Variants in LMF1 observed in about 807,000 individuals in gnomAD.
LMF1 encodes the protein transmembrane protein 112.
LMF1 carries 68 observed loss-of-function variants against 60.6 expected under a neutral mutation model. The observed-to-expected ratio is 1.12, with a 90% CI of 0.92 to 1.37. LMF1 has a LOEUF of 1.37. Among genes scored for constraint, LMF1 ranks in the 40% most tolerant of loss-of-function variants. The pLI, the probability that LMF1 is intolerant of heterozygous loss-of-function variation, is 0.00. For synonymous variants in LMF1, 418 were observed against 324.7 expected, an observed-to-expected ratio of 1.29 and a Z score of -3.09; for missense variants, 948 against 767.2, an observed-to-expected ratio of 1.24 and a Z score of -2.78.
chr16:893,106 CAG>C (rs1343704758), intron 4 of LMF1, 34 bp from the exon 5 acceptor site: 1 of 1,538,848 alleles, frequency 6.5e-7, no homozygotes, highest in Non-Finnish European at 8.8e-7. Flanking sequence ...GAGTCAGTCA[CAG>C]GGGCTGGGGA....
intron 4 of LMF1, among the ~76,000 whole-genome samples, chr16:904,280 A>C (rs604440): frequency 9.2e-4 from 65 of 70,630 alleles, no homozygotes; most frequent in Admixed American, 1.6e-3. Flanking sequence ...CCTGTCTCTG[A>C]TGTGTGGTGG....
chr16:870,958 T>C (rs1307912604), intron 7 of LMF1, 76 bp from the exon 8 acceptor site: 2 of 1,506,958 alleles, frequency 1.3e-6, no homozygotes, highest in African/African-American at 2.8e-5. Context: ...CCCCAGCTGC[T>C]GCTCCCTAAG....
chr16:941,485 A>G (rs1451637510), intron 2 of LMF1, among the ~76,000 whole-genome samples: 1 of 152,204 alleles, frequency 6.6e-6, no homozygotes, highest in Non-Finnish European at 1.5e-5. Context: ...GGCCTCCCAA[A>G]GTGCTGGCAT....
chr16:891,706 C>T (rs1422892905), intron 5 of LMF1, among the ~76,000 whole-genome samples: 1 of 152,180 alleles, frequency 6.6e-6, no homozygotes, highest in African/African-American at 2.4e-5. Context: ...TCTGACCTGT[C>T]CTGAGGGCAT....
intron 10 of LMF1, among the ~76,000 whole-genome samples, chr16:866,092 C>A (rs55977409): frequency 1.3e-5 from 2 of 152,192 alleles, no homozygotes; most frequent in Non-Finnish European, 2.9e-5. Flanking sequence ...CTAATACCTC[C>A]CTCATCTTGG....
exon 1 of LMF1, chr16:981,172 G>A (rs777651668): frequency 4.4e-6 from 2 of 454,540 alleles, no homozygotes; most frequent in East Asian, 7.0e-5. Flanking sequence ...GCAGACTCTG[G>A]ACGAGCTGGG....
At chr16:976,449 C>T in intron 1 of LMF1, 1 of 454,086 alleles carries the variant, frequency 2.2e-6, no homozygotes, top group Non-Finnish European at 4.4e-6. Flanking sequence ...AGCGTTGATT[C>T]CAAGTCTCAG....
chr16:971,007 CCCCGCCCATTCTCGGA>C (rs1303690236), upstream of LMF1: 4 of 624,708 alleles, frequency 6.4e-6, no homozygotes, highest in African/African-American at 3.2e-4. Flanking sequence ...CTCCCGGAGG[CCCCGCCCATTCTCGGA>C]GGCCCCGCCC....
In LMF1 at chr16:910,892, C is replaced by T. The variant is rs775106462; in HGVS notation, c.663+39G>A. Reference sequence around the variant, plus strand: ...AAGCCTCACAGGTTAGAAGAGCCACCGTTATTCCCCAAACACCACGCAGAA... The same window carrying T: ...AAGCCTCACAGGTTAGAAGAGCCACTGTTATTCCCCAAACACCACGCAGAA... On this transcript the variant is annotated intron_variant, in intron 4 of 10. Coordinates refer to ENST00000262301, the MANE Select transcript of LMF1 (RefSeq NM_022773.4). 1.3e-5 allele frequency: 21 copies of T among 1,609,322 alleles called. No individual in the cohort carries two copies. The African/African-American group carries it at 1.9e-4, about 14-fold the overall frequency.
chr16:869,448 C>T (rs1302156562), intron 9 of LMF1: 1 of 545,342 alleles, frequency 1.8e-6, no homozygotes, highest in Non-Finnish European at 3.5e-6. Context: ...TTCCTGTTCG[C>T]TGAGACAGGG....
chr16:869,694 C>A, intron 9 of LMF1, 189 bp downstream of exon 9: 2 of 695,424 alleles, frequency 2.9e-6, no homozygotes, highest in Non-Finnish European at 4.9e-6. Flanking sequence ...TGGGCTCCCA[C>A]ATGAGGCCCC....
intron 1 of LMF1, chr16:980,696 G>C (rs972616083): frequency 9.9e-6 from 1 of 100,918 alleles, no homozygotes. Flanking sequence ...AGGCCACCTC[G>C]CGGGGCGGCC....
At chr16:925,755 T>C (rs1358903519) in intron 3 of LMF1, among the ~76,000 whole-genome samples, 1 of 152,148 alleles carries the variant, frequency 6.6e-6, no homozygotes, top group African/African-American at 2.4e-5. Flanking sequence ...ACTATATATA[T>C]ATGCTTTTCT....
chr16:898,183 C>T (rs1023262916), intron 4 of LMF1, among the ~76,000 whole-genome samples: 15 of 152,232 alleles, frequency 9.9e-5, no homozygotes, highest in South Asian at 2.1e-4. Context: ...ACTGGCTCAT[C>T]GACACTGGCT....
At chr16:959,677 G>A (rs1295474052) in intron 1 of LMF1, among the ~76,000 whole-genome samples, 1 of 152,242 alleles carries the variant, frequency 6.6e-6, no homozygotes, top group Non-Finnish European at 1.5e-5. Context: ...AAGGCCAGAA[G>A]GAGCTGTACA....
chr16:940,734 G>C (rs1370582605), intron 2 of LMF1, among the ~76,000 whole-genome samples: 4 of 152,170 alleles, frequency 2.6e-5, no homozygotes, highest in Non-Finnish European at 5.9e-5. Context: ...ATCCCTGCAG[G>C]AATGAAAAGA....
intron 3 of LMF1, among the ~76,000 whole-genome samples, chr16:916,077 G>A (rs2071272534): frequency 6.6e-6 from 1 of 152,198 alleles, no homozygotes; most frequent in African/African-American, 2.4e-5. Context: ...TGGGTTGTGG[G>A]CTGAGCCGCC....
intron 1 of LMF1, among the ~76,000 whole-genome samples, chr16:965,224 A>G (rs961980372): frequency 6.6e-6 from 1 of 152,202 alleles, no homozygotes; most frequent in East Asian, 1.9e-4. Context: ...GTTCTTCTCC[A>G]TTCAGCTTCA....
rs550381322 is a variant in LMF1 at position 869,099 on chromosome 16, G to C, written c.1417-43C>G. 3.3e-5 allele frequency: 42 copies of C among 1,292,232 alleles called. No homozygotes were observed. In the South Asian group the frequency reaches 4.6e-4, roughly 14 times the overall value. The allele number at this position is 1,292,232 out of a possible 1,614,324, so 80.0% of individuals were successfully genotyped here. ...GCTGGAGACGGCTGTGCCACTCGCT[G>C]TCCAGGCACAGCCCCTCCGGACGCT... On this transcript the variant is annotated intron_variant, in intron 9 of 10. Coordinates refer to ENST00000262301, the MANE Select transcript of LMF1 (RefSeq NM_022773.4).
Sources: gnomAD v4.1 joint callset for allele counts (sites outside exome capture counted in the v4.1 genomes callset) on GRCh38, gnomAD v4.1.1 for gene constraint, MANE v1.5 for transcripts, NCBI Gene and HGNC (gene_info 2026-07-23, HGNC 2026-07-21) for gene names.